Variants in SNX10 observed in about 807,000 individuals in gnomAD.
SNX10 encodes sorting nexin 10, also known as sorting nexin-10.
Under a neutral mutation model 28.5 loss-of-function variants are expected in SNX10, and 25 were observed. The ratio of observed to expected loss-of-function variants is 0.88; its 90% CI spans 0.64 to 1.22. The LOEUF (loss-of-function observed/expected upper bound fraction) is 1.22. Ranked by LOEUF, SNX10 falls within the 50% of genes most tolerant of loss-of-function variation. The pLI is 0.00. For synonymous variants in SNX10, 62 were observed against 81.4 expected, an observed-to-expected ratio of 0.76 and a Z score of 1.28; for missense variants, 223 against 242.6, an observed-to-expected ratio of 0.92 and a Z score of 0.54.
At chr7:26,340,851 C>T (rs1335298026) in intron 1 of SNX10, among the ~76,000 whole-genome samples, 1 of 152,124 alleles carries the variant, frequency 6.6e-6, no homozygotes, top group African/African-American at 2.4e-5. Context: ...TGCAGCCTAA[C>T]CTCCTGGGCT....
chr7:26,317,772 C>T (rs1227093315), intron 1 of SNX10, among the ~76,000 whole-genome samples: 1 of 151,214 alleles, frequency 6.6e-6, no homozygotes, highest in African/African-American at 2.4e-5. Context: ...AAGCGATTCT[C>T]CTGCCTCAGC....
At chr7:26,354,832 A>G (rs1466715026) in intron 2 of SNX10, among the ~76,000 whole-genome samples, 2 of 152,204 alleles carry the variant, frequency 1.3e-5, no homozygotes, top group African/African-American at 2.4e-5. Flanking sequence ...GTGAAGCCTA[A>G]TTGATCACTT....
At position 26,367,797 on chromosome 7, in the gene SNX10, A is replaced by G. The variant is rs193124607; in HGVS notation, c.311+2652A>G. 2.0e-4 allele frequency among the ~76,000 whole-genome samples: 31 copies of G among 152,354 alleles called. No homozygotes were observed. The East Asian group carries it at 5.2e-3, about 26-fold the overall frequency. ...GGTTACCTGTTAAGTAGGGCCAGCC[A>G]TCAATAGCCTGTACCTTGTTTGTAG... On this transcript the variant is annotated intron_variant, in intron 5 of 6. Transcript: ENST00000338523.
intron 2 of SNX10, among the ~76,000 whole-genome samples, chr7:26,358,611 C>T (rs1041421404): frequency 1.3e-5 from 2 of 151,788 alleles, no homozygotes; most frequent in Non-Finnish European, 2.9e-5. Flanking sequence ...TGGTGGCACC[C>T]GCCTGTAGTC....
At position 26,295,777 on chromosome 7, in the gene SNX10, T is replaced by C. The variant is rs544139135; in HGVS notation, c.-24+3691T>C. Among the ~76,000 whole-genome samples the C allele has an allele frequency of 4.6e-5, 7 of 152,338 alleles. No homozygotes were observed. In the East Asian group the frequency reaches 1.3e-3, roughly 29 times the overall value. On this transcript the variant is annotated intron_variant, in intron 1 of 6. Coordinates refer to ENST00000338523, the MANE Select transcript of SNX10 (RefSeq NM_013322.3). ...TACGACATCGTTTGGCATGTGATCC[T>C]GTTAGCTGAGCCACTTTACTCTGAT...
At chr7:26,344,128 C>T (rs6947348) in intron 1 of SNX10, among the ~76,000 whole-genome samples, 29,702 of 148,998 alleles carry the variant, frequency 0.2, 3,474 homozygotes, top group East Asian at 0.44. Flanking sequence ...CCCCCACCCC[C>T]TCTCCCTCCC....
At chr7:26,339,655 G>A (rs1584139077) in intron 1 of SNX10, among the ~76,000 whole-genome samples, 3 of 150,304 alleles carry the variant, frequency 2.0e-5, no homozygotes, top group East Asian at 2.0e-4. Context: ...TCAGCCTCCC[G>A]AGTAGCTGGA....
At chr7:26,306,076 T>TC (rs1226704229) in intron 1 of SNX10, among the ~76,000 whole-genome samples, 1 of 151,858 alleles carries the variant, frequency 6.6e-6, no homozygotes, top group Non-Finnish European at 1.5e-5. Context: ...TTTGTATTTT[T>TC]TTTTTTTTGT....
intron 1 of SNX10, among the ~76,000 whole-genome samples, chr7:26,313,727 A>T (rs903953661): frequency 9.6e-5 from 13 of 135,476 alleles, no homozygotes; most frequent in African/African-American, 1.6e-4. Context: ...CATAATAATT[A>T]AAAAAAAATG....
At chr7:26,304,381 C>A (rs34822078) in intron 1 of SNX10, among the ~76,000 whole-genome samples, 50,412 of 152,090 alleles carry the variant, frequency 0.33, 10,017 homozygotes, top group South Asian at 0.46. Context: ...CTATTAGCTT[C>A]TGATCGAGTC....
intron 1 of SNX10, among the ~76,000 whole-genome samples, chr7:26,338,703 C>G (rs1390433537): frequency 6.6e-6 from 1 of 152,056 alleles, no homozygotes; most frequent in Non-Finnish European, 1.5e-5. Flanking sequence ...TGGGCCCGGC[C>G]GGATTAGAGT....
In SNX10 at chr7:26,320,110, T is replaced by C. The variant is rs542338500; in HGVS notation, c.-23-26310T>C. 5.9e-5 allele frequency among the ~76,000 whole-genome samples: 9 copies of C among 151,692 alleles called. No homozygotes were observed. The East Asian group carries it at 1.8e-3, about 30-fold the overall frequency. On this transcript the variant is annotated intron_variant, in intron 1 of 6. Coordinates refer to ENST00000338523, the MANE Select transcript of SNX10 (RefSeq NM_013322.3). ...GATTCTTCTGCCTCAGCCTCTCGAG[T>C]AGCTGGGATTACAGGTGCCCACCAG...
At chr7:26,357,210 G>C (rs1178740394) in intron 2 of SNX10, 1 of 174,562 alleles carries the variant, frequency 5.7e-6, no homozygotes, top group Non-Finnish European at 1.3e-5. Flanking sequence ...GCCCAGAGGA[G>C]GGTCAAATAA....
intron 1 of SNX10, among the ~76,000 whole-genome samples, chr7:26,312,474 A>G (rs901041087): frequency 6.6e-6 from 1 of 152,208 alleles, no homozygotes; most frequent in Non-Finnish European, 1.5e-5. Flanking sequence ...ATTGAAAGAC[A>G]TAAACAATTT....
intron 1 of SNX10, among the ~76,000 whole-genome samples, chr7:26,301,671 C>A (rs561268874): frequency 2.0e-4 from 30 of 152,322 alleles, no homozygotes; most frequent in Admixed American, 1.4e-3. Context: ...CAACCATGTA[C>A]CACACACTGT....
intron 1 of SNX10, among the ~76,000 whole-genome samples, chr7:26,323,271 A>T (rs1254625377): frequency 6.6e-6 from 1 of 151,962 alleles, no homozygotes; most frequent in East Asian, 1.9e-4. Flanking sequence ...AAACAAAACA[A>T]AAATAAATAA....
intron 1 of SNX10, among the ~76,000 whole-genome samples, chr7:26,294,506 C>G (rs1245425284): frequency 6.6e-6 from 1 of 152,134 alleles, no homozygotes; most frequent in African/African-American, 2.4e-5. Context: ...CATTATCGAG[C>G]ACTTAATTAT....
chr7:26,362,649 T>A (rs1372256592), intron 3 of SNX10, among the ~76,000 whole-genome samples: 2 of 152,290 alleles, frequency 1.3e-5, no homozygotes, highest in African/African-American at 4.8e-5. Flanking sequence ...GTCATACAAT[T>A]AAAAGTGGAT....
At chr7:26,297,922 T>C (rs974048948) in intron 1 of SNX10, among the ~76,000 whole-genome samples, 1 of 152,112 alleles carries the variant, frequency 6.6e-6, no homozygotes, top group Admixed American at 6.6e-5. Context: ...ATTAATACCA[T>C]AAACAAAGTT....
Sources: allele counts gnomAD v4.1 joint callset (sites outside exome capture counted in the v4.1 genomes callset), GRCh38; gene constraint gnomAD v4.1.1; transcripts MANE v1.5; gene names NCBI Gene and HGNC (gene_info 2026-07-23, HGNC 2026-07-21).